Variants in CRKL observed in about 807,000 individuals in gnomAD.
The protein encoded by CRKL is crk-like protein.
A neutral mutation model predicts 23.0 loss-of-function variants in CRKL; 3 were observed. The ratio of observed to expected loss-of-function variants is 0.13; its 90% confidence interval spans 0.06 to 0.34. CRKL has a LOEUF of 0.34. CRKL is among the 10% of genes least tolerant of loss of function. The pLI is 1.00. For synonymous variants in CRKL, 188 were observed against 160.7 expected (o/e 1.17, Z -1.28); for missense variants, 256 against 394.5 (o/e 0.65, Z 2.97).
chr22:20,920,701 C>T lies in CRKL; in HGVS notation c.311+2456C>T, dbSNP rs181412302. Among the ~76,000 whole-genome samples the T allele has an allele frequency of 1.2e-4, 19 of 152,244 alleles. No homozygotes were observed. The East Asian group carries it at 3.7e-3, about 29-fold the overall frequency. On this transcript the variant is annotated intron_variant, in intron 1 of 2. Coordinates refer to ENST00000354336, the MANE Select transcript of CRKL (RefSeq NM_005207.4). ...CTGTACTAGGCTGCTCACTTATTCCCTGGTAGCCATCCTTCCTTACTCATA... is the reference window on the plus strand; with the variant it reads ...CTGTACTAGGCTGCTCACTTATTCCTTGGTAGCCATCCTTCCTTACTCATA...
At chr22:20,941,279 C>T (rs957896135) in intron 2 of CRKL, among the ~76,000 whole-genome samples, 50 of 151,280 alleles carry the variant, frequency 3.3e-4, no homozygotes, top group African/African-American at 1.1e-3. Context: ...GTCTGGTGCC[C>T]GAGGAATCAT....
chr22:20,931,513 A>G (rs1160446411), intron 1 of CRKL, among the ~76,000 whole-genome samples: 2 of 152,236 alleles, frequency 1.3e-5, no homozygotes, highest in East Asian at 3.8e-4. Context: ...TGAATGCCTC[A>G]CATGCATTAT....
chr22:20,929,411 C>T (rs764823082), intron 1 of CRKL, among the ~76,000 whole-genome samples: 10 of 151,854 alleles, frequency 6.6e-5, no homozygotes, highest in African/African-American at 1.7e-4. Flanking sequence ...TTGATCCGCC[C>T]GCCTTGGCCT....
intron 2 of CRKL, among the ~76,000 whole-genome samples, chr22:20,941,105 C>T (rs1337222233): frequency 6.6e-6 from 1 of 152,064 alleles, no homozygotes; most frequent in African/African-American, 2.4e-5. Flanking sequence ...ATGTGGCAAG[C>T]TTACAGGCTC....
intron 1 of CRKL, among the ~76,000 whole-genome samples, chr22:20,921,571 G>A (rs6004917): frequency 0.83 from 125,646 of 152,050 alleles, 52,015 homozygotes; most frequent in East Asian, 0.92. Flanking sequence ...GCTAAGACCT[G>A]AGGGTAAAGA....
At chr22:20,929,606 G>A (rs535332823) in intron 1 of CRKL, among the ~76,000 whole-genome samples, 3 of 152,138 alleles carry the variant, frequency 2.0e-5, no homozygotes, top group Non-Finnish European at 4.4e-5. Context: ...TGGGCCTACA[G>A]GCACACGCCA....
chr22:20,940,781 C>T (rs145792107), intron 2 of CRKL, among the ~76,000 whole-genome samples: 64 of 152,136 alleles, frequency 4.2e-4, no homozygotes, highest in Non-Finnish European at 7.6e-4. Flanking sequence ...TTTGAATTGG[C>T]CTTCCCAAGG....
chr22:20,944,653 T>C (rs1331835579), intron 2 of CRKL, among the ~76,000 whole-genome samples: 1 of 152,148 alleles, frequency 6.6e-6, no homozygotes, highest in African/African-American at 2.4e-5. Context: ...TCCACCTGCC[T>C]CGGCCTCCCA....
In CRKL at chr22:20,927,503, A is replaced by G. The variant is rs1166442232; in HGVS notation, c.312-6276A>G. ...CAGTCACCACGCCCAGCTGGAATTA[A>G]GTTTTCTACCTTTTTTTTTTTTTTT... On this transcript the variant is annotated intron_variant, in intron 1 of 2. Coordinates refer to ENST00000354336, the MANE Select transcript of CRKL (RefSeq NM_005207.4). Among the ~76,000 whole-genome samples the G allele has an allele frequency of 2.8e-5, 3 of 105,792 alleles. No homozygotes were observed. In the East Asian group the frequency reaches 1.1e-3, roughly 37 times the overall value. The allele number at this position is 105,792 out of a possible 152,430, so 69.4% of individuals were successfully genotyped here.
rs1268792730 is a variant in CRKL at position 20,953,336 on chromosome 22, CAGA to C, written c.*3494_*3496del. 2 of 230,598 alleles carry C rather than the reference CAGA, an allele frequency of 8.7e-6. No homozygotes were observed. The highest frequency in any genetic ancestry group is 5.7e-5 in the Admixed American group (1 of 17,650). 14.3% of individuals were successfully genotyped at this position (230,598 alleles called of 1,614,324 possible). A position where few individuals can be genotyped will look rare whatever the true frequency, so the allele number is the denominator to read the frequency against. On this transcript the variant is annotated 3_prime_UTR_variant, in exon 3 of 3. Transcript: ENST00000354336. ...GTGCTGGTTCTGTTTTCTAAAGGAG[CAGA>C]AGGACAGGTCTCTGAGACAGGATCG...
intron 1 of CRKL, 59 bp from the exon 2 acceptor site, chr22:20,933,720 G>T: frequency 7.3e-7 from 1 of 1,379,014 alleles, no homozygotes; most frequent in South Asian, 1.3e-5. Context: ...TAAGAAGTTT[G>T]ACAGGCACTG....
chr22:20,947,100 C>T (rs1315712825), intron 2 of CRKL, among the ~76,000 whole-genome samples: 1 of 152,176 alleles, frequency 6.6e-6, no homozygotes, highest in Admixed American at 6.5e-5. Flanking sequence ...CATTCTCTTC[C>T]TAGGCTGCTC....
intron 1 of CRKL, among the ~76,000 whole-genome samples, chr22:20,918,587 A>C (rs1216825008): frequency 1.5e-5 from 2 of 135,222 alleles, no homozygotes; most frequent in East Asian, 4.5e-4. Flanking sequence ...TTTTTCTAAA[A>C]ACCTCTTTTT....
chr22:20,942,604 C>T (rs1390840141), intron 2 of CRKL, among the ~76,000 whole-genome samples: 4 of 151,766 alleles, frequency 2.6e-5, no homozygotes, highest in African/African-American at 7.3e-5. Context: ...ATTTCTGGGT[C>T]AAATGGGTAA....
At chr22:20,941,535 T>A (rs1030329822) in intron 2 of CRKL, among the ~76,000 whole-genome samples, 3 of 89,544 alleles carry the variant, frequency 3.4e-5, no homozygotes, top group East Asian at 7.1e-4. Context: ...ATATATATAT[T>A]TTATGTGTGT....
chr22:20,920,412 G>T (rs947572822), intron 1 of CRKL, among the ~76,000 whole-genome samples: 2 of 151,888 alleles, frequency 1.3e-5, no homozygotes, highest in African/African-American at 4.8e-5. Flanking sequence ...TGAGGCAGGA[G>T]AATCGCTCGA....
chr22:20,944,775 C>G (rs1176998313), intron 2 of CRKL, among the ~76,000 whole-genome samples: 1 of 150,986 alleles, frequency 6.6e-6, no homozygotes, highest in African/African-American at 2.4e-5. Flanking sequence ...GGAGACAGAG[C>G]CTCACTCCCG....
intron 1 of CRKL, among the ~76,000 whole-genome samples, chr22:20,929,009 G>A (rs765403317): frequency 9.2e-5 from 14 of 152,096 alleles, no homozygotes; most frequent in Non-Finnish European, 1.6e-4. Context: ...AAAGAGCTGA[G>A]AGATTCGTTA....
chr22:20,927,440 C>T (rs1180808166), intron 1 of CRKL, among the ~76,000 whole-genome samples: 1 of 149,868 alleles, frequency 6.7e-6, no homozygotes, highest in Non-Finnish European at 1.5e-5. Flanking sequence ...GATCCAATTG[C>T]CTCGGCCCCC....
Sources: allele counts gnomAD v4.1 joint callset (sites outside exome capture counted in the v4.1 genomes callset), GRCh38; gene constraint gnomAD v4.1.1; transcripts MANE v1.5; gene names NCBI Gene and HGNC (gene_info 2026-07-23, HGNC 2026-07-21).